Variants in AK6 observed in about 807,000 individuals in gnomAD.
AK6 encodes adenylate kinase 6, also known as adenylate kinase isoenzyme 6.
A neutral mutation model predicts 23.7 loss-of-function variants in AK6; 24 were observed. The observed-to-expected ratio is 1.01, with a 90% CI of 0.73 to 1.43. AK6 has a LOEUF of 1.43. Ranked by LOEUF, AK6 falls within the 40% of genes most tolerant of loss-of-function variation. The pLI is 0.00. For missense variants in AK6, 191 were observed against 199.1 expected (o/e 0.96, Z 0.24); for synonymous variants, 73 against 69.8 (o/e 1.05, Z -0.23).
intron 1 of AK6, chr5:69,366,892 G>C (rs1442092276): frequency 3.3e-6 from 1 of 302,044 alleles, no homozygotes; most frequent in Non-Finnish European, 6.3e-6. Flanking sequence ...CTCAGTAGCT[G>C]GAATTACAGG....
At chr5:69,364,100 A>G (rs1389325503) in intron 2 of AK6, among the ~76,000 whole-genome samples, 1 of 152,138 alleles carries the variant, frequency 6.6e-6, no homozygotes, top group Non-Finnish European at 1.5e-5. Context: ...GAAATAAAAT[A>G]AAATGAAATG....
chr5:69,354,513 T>C (rs1293919216), intron 4 of AK6, among the ~76,000 whole-genome samples: 2 of 152,208 alleles, frequency 1.3e-5, no homozygotes, highest in African/African-American at 4.8e-5. Flanking sequence ...CTGAGATTGC[T>C]CTCTAATTTC....
intron 1 of AK6, among the ~76,000 whole-genome samples, chr5:69,368,616 A>G (rs1035760637): frequency 3.9e-5 from 6 of 152,140 alleles, no homozygotes; most frequent in African/African-American, 1.4e-4. Flanking sequence ...GTGCGCTGCC[A>G]ACAATTTTAC....
intron 2 of AK6, among the ~76,000 whole-genome samples, chr5:69,361,242 C>T (rs907164999): frequency 2.6e-5 from 4 of 152,054 alleles, no homozygotes; most frequent in Non-Finnish European, 4.4e-5. Context: ...CAAGCTCTGC[C>T]TCCCAAGTAG....
At chr5:69,356,171 A>G (rs1179475831) in intron 2 of AK6, among the ~76,000 whole-genome samples, 1 of 152,208 alleles carries the variant, frequency 6.6e-6, no homozygotes, top group African/African-American at 2.4e-5. Context: ...TTGGATTGCA[A>G]TATATCTGAA....
chr5:69,360,006 C>T (rs766718355), intron 2 of AK6, among the ~76,000 whole-genome samples: 2 of 152,116 alleles, frequency 1.3e-5, no homozygotes, highest in Non-Finnish European at 2.9e-5. Context: ...CATAAATACT[C>T]GAGGTGGAAA....
At chr5:69,364,201 T>C (rs1171075963) in intron 2 of AK6, among the ~76,000 whole-genome samples, 1 of 151,240 alleles carries the variant, frequency 6.6e-6, no homozygotes, top group Non-Finnish European at 1.5e-5. Context: ...CAAAAAAATA[T>C]TTTAAATTAA....
intron 4 of AK6, among the ~76,000 whole-genome samples, chr5:69,352,746 A>G (rs1369042817): frequency 6.6e-6 from 1 of 152,202 alleles, no homozygotes; most frequent in Non-Finnish European, 1.5e-5. Flanking sequence ...AATATGAACA[A>G]TAACAGCTGT....
chr5:69,355,583 C>A (rs944152008), intron 4 of AK6, 66 bp downstream of exon 4: 1 of 1,459,062 alleles, frequency 6.9e-7, no homozygotes, highest in Non-Finnish European at 9.2e-7. Context: ...TTATCATGGC[C>A]AATTTCAGAA....
chr5:69,357,391 T>C (rs1762110400), intron 2 of AK6, among the ~76,000 whole-genome samples: 1 of 152,184 alleles, frequency 6.6e-6, no homozygotes, highest in Non-Finnish European at 1.5e-5. Context: ...AATCCTTACT[T>C]TATACCACAA....
At chr5:69,355,493 T>G (rs1298382623) in intron 4 of AK6, 156 bp downstream of exon 4, 1 of 729,664 alleles carries the variant, frequency 1.4e-6, no homozygotes, top group African/African-American at 1.8e-5. Context: ...ATCACACCAC[T>G]GCCCTCCAGC....
chr5:69,363,255 T>A (rs775790135), intron 2 of AK6, among the ~76,000 whole-genome samples: 3 of 152,122 alleles, frequency 2.0e-5, no homozygotes, highest in Non-Finnish European at 4.4e-5. Context: ...TAAGTACTGG[T>A]AGGAGAGGAC....
intron 4 of AK6, among the ~76,000 whole-genome samples, chr5:69,353,426 T>C (rs950055632): frequency 1.3e-5 from 2 of 152,024 alleles, no homozygotes; most frequent in South Asian, 2.1e-4. Context: ...GCCTCCTGAG[T>C]AGCTGGGATT....
intron 4 of AK6, among the ~76,000 whole-genome samples, chr5:69,352,480 C>T (rs1013864260): frequency 3.3e-5 from 5 of 151,848 alleles, no homozygotes; most frequent in African/African-American, 9.7e-5. Flanking sequence ...GAATTTCCCC[C>T]CCCCACAATT....
In AK6 at chr5:69,352,174, A is replaced by G; in HGVS notation, c.406T>C (p.Tyr136His). The G allele has an allele frequency of 6.2e-7, 1 of 1,614,004 alleles. No homozygotes were observed. Among genetic ancestry groups the G allele is most frequent in the Non-Finnish European group, 8.5e-7 (1 of 1,179,940 alleles). Residue 136 changes from tyrosine (Y) to histidine (H), a missense_variant, in exon 5 of 5, where the codon TAC (tyrosine) becomes CAC (histidine). By Grantham distance (83) the Tyr-to-His change is moderately conservative (BLOSUM62 2). Transcript: ENST00000380822. ...QVLYEEATASYKEEIVHQLPS... is the reference protein window; with the variant it reads ...QVLYEEATASHKEEIVHQLPS... ...AGCTGATGCACGATTTCTTCCTTGT[A>G]GGATGCTGTGGCTTCTTCATAAAGA... is the stretch of plus-strand genomic sequence containing the variant.
chr5:69,360,544 A>C (rs1489496933), intron 2 of AK6, among the ~76,000 whole-genome samples: 7 of 152,208 alleles, frequency 4.6e-5, no homozygotes, highest in Non-Finnish European at 1.0e-4. Context: ...AGTCATCAGC[A>C]CAAGGGAGTG....
chr5:69,355,386 A>G, intron 4 of AK6: 1 of 367,496 alleles, frequency 2.7e-6, no homozygotes, highest in Non-Finnish European at 4.8e-6. Flanking sequence ...TAAAAAAATT[A>G]GCCAGGCAAG....
At chr5:69,360,965 C>T (rs925804114) in intron 2 of AK6, among the ~76,000 whole-genome samples, 3 of 152,188 alleles carry the variant, frequency 2.0e-5, no homozygotes, top group Non-Finnish European at 2.9e-5. Flanking sequence ...CAATATATTA[C>T]TTCGTCTAGA....
intron 2 of AK6, among the ~76,000 whole-genome samples, chr5:69,363,482 A>G (rs1762296485): frequency 6.6e-6 from 1 of 152,210 alleles, no homozygotes; most frequent in African/African-American, 2.4e-5. Flanking sequence ...CATTTCATAT[A>G]GATATAAAAC....
Sources: gnomAD v4.1 joint callset for allele counts (sites outside exome capture counted in the v4.1 genomes callset) on GRCh38, gnomAD v4.1.1 for gene constraint, MANE v1.5 for transcripts, NCBI Gene and HGNC (gene_info 2026-07-23, HGNC 2026-07-21) for gene names.